The following ITGA9 variants were observed in gnomAD, a reference collection of about 807,000 sequenced individuals.
ITGA9 encodes integrin subunit alpha 9.
ITGA9 carries 56 observed loss-of-function variants against 127.8 expected under a neutral mutation model. That is an observed-to-expected ratio of 0.44 (90% confidence interval 0.35 to 0.55). The LOEUF is 0.55. ITGA9 is among the 20% of genes least tolerant of loss of function. The probability of loss-of-function intolerance (pLI) is 0.00; values close to 1 mark genes in which losing one functional copy is unlikely to be tolerated. For missense variants in ITGA9, 1,196 were observed against 1,347.1 expected (o/e 0.89, Z 1.76); for synonymous variants, 508 against 514.5 (o/e 0.99, Z 0.17).
In ITGA9 at chr3:37,806,765, G is replaced by A. The variant is rs1265599472; in HGVS notation, c.3009+2823G>A. On this transcript the variant is annotated intron_variant, in intron 27 of 27. Transcript: ENST00000264741. This position sits in a 1 kb window ranked among gnomAD's most constrained non-coding sequence, Gnocchi z 4.3. ...CAGACCAGGGCTTGCCGTAACTAACGGGTGGCAGGAAAGCTTTGAGGAGGC... is the reference window on the plus strand; with the variant it reads ...CAGACCAGGGCTTGCCGTAACTAACAGGTGGCAGGAAAGCTTTGAGGAGGC... 3 of 152,204 alleles carry A rather than the reference G, an allele frequency of 2.0e-5. No homozygotes were observed. Among genetic ancestry groups the A allele is most frequent in the Non-Finnish European group, 4.4e-5 (3 of 68,096 alleles). The allele number at this position is 152,204 out of a possible 1,614,324, so 9.4% of individuals were successfully genotyped here.
At chr3:37,562,187 G>A (rs1699498080) in intron 15 of ITGA9, among the ~76,000 whole-genome samples, 1 of 152,112 alleles carries the variant, frequency 6.6e-6, no homozygotes, top group Non-Finnish European at 1.5e-5. Flanking sequence ...TCCAGCGTTG[G>A]ATGGCATCAG....
chr3:37,454,032 G>T (rs1043342101), intron 1 of ITGA9, among the ~76,000 whole-genome samples: 8 of 152,210 alleles, frequency 5.3e-5, no homozygotes, highest in Non-Finnish European at 8.8e-5. Flanking sequence ...AGGGTCTGAG[G>T]TTGAAGAACA....
intron 18 of ITGA9, among the ~76,000 whole-genome samples, chr3:37,723,813 G>A (rs891215081): frequency 6.6e-6 from 1 of 152,226 alleles, no homozygotes; most frequent in Non-Finnish European, 1.5e-5. Context: ...TAGCTCTTCA[G>A]TGAGTTAGTA....
intron 17 of ITGA9, among the ~76,000 whole-genome samples, chr3:37,683,563 C>T (rs1418402491): frequency 3.9e-5 from 6 of 152,196 alleles, no homozygotes; most frequent in Non-Finnish European, 1.5e-5. Context: ...AATTCATGTA[C>T]AAATGAATCC....
intron 17 of ITGA9, among the ~76,000 whole-genome samples, chr3:37,666,789 C>T (rs1700590711): frequency 6.6e-6 from 1 of 152,198 alleles, no homozygotes; most frequent in African/African-American, 2.4e-5. Context: ...GGGTGTGATC[C>T]AGAGAGGCTG....
At chr3:37,515,975 A>T (rs936330019) in intron 9 of ITGA9, among the ~76,000 whole-genome samples, 4 of 152,242 alleles carry the variant, frequency 2.6e-5, no homozygotes, top group African/African-American at 9.6e-5. Flanking sequence ...CTGACATTCC[A>T]GGAAGTCAGG....
chr3:37,676,481 A>G (rs1164366230), intron 17 of ITGA9, among the ~76,000 whole-genome samples: 3 of 152,190 alleles, frequency 2.0e-5, no homozygotes, highest in African/African-American at 7.2e-5. Context: ...GCTGCAGAGC[A>G]TGTCAGAGGC....
At position 37,616,270 on chromosome 3, in the gene ITGA9, C is replaced by A. The variant is rs566712739; in HGVS notation, c.1690-12917C>A. 9.8e-3 allele frequency among the ~76,000 whole-genome samples: 1,493 copies of A among 152,204 alleles called. 19 individuals are homozygous for A. Among genetic ancestry groups the A allele is most frequent in the African/African-American group, 0.033 (1,350 of 41,522 alleles). On this transcript the variant is annotated intron_variant, in intron 15 of 27. Transcript: ENST00000264741. Reference sequence around the variant, plus strand: ...GTTGTTCAGTTTCCATGTAGTTGAGCGGTTTTGAGTGAATTTCTTAATCCT... The same window carrying A: ...GTTGTTCAGTTTCCATGTAGTTGAGAGGTTTTGAGTGAATTTCTTAATCCT...
At chr3:37,763,146 A>G (rs578050218) in intron 23 of ITGA9, among the ~76,000 whole-genome samples, 2 of 152,368 alleles carry the variant, frequency 1.3e-5, no homozygotes, top group African/African-American at 4.8e-5. Flanking sequence ...TGTAGCTTAC[A>G]TTCTGGTGGG....
At chr3:37,726,575 G>A (rs570266036) in intron 18 of ITGA9, among the ~76,000 whole-genome samples, 1 of 152,344 alleles carries the variant, frequency 6.6e-6, no homozygotes, top group Non-Finnish European at 1.5e-5. Context: ...GTTACAAACA[G>A]GGCTGTAGCC....
At chr3:37,508,457 C>G in intron 7 of ITGA9, 102 bp from the exon 8 acceptor site, 3 of 890,286 alleles carry the variant, frequency 3.4e-6, no homozygotes, top group South Asian at 2.9e-5. Flanking sequence ...CTGCTGTGCA[C>G]CTGGCTCTTA....
chr3:37,544,011 G>C (rs9812556), intron 15 of ITGA9, among the ~76,000 whole-genome samples: 2 of 152,216 alleles, frequency 1.3e-5, no homozygotes, highest in Non-Finnish European at 2.9e-5. Flanking sequence ...CGCAGTACAG[G>C]CTCGTATGCA....
At chr3:37,794,562 C>G (rs773772121) in intron 26 of ITGA9, among the ~76,000 whole-genome samples, 18 of 152,220 alleles carry the variant, frequency 1.2e-4, no homozygotes, top group Non-Finnish European at 2.4e-4. Context: ...AATGAAGACT[C>G]CTCGGGATTC....
chr3:37,520,130 G>T (rs72867562), intron 11 of ITGA9, among the ~76,000 whole-genome samples: 6,901 of 152,226 alleles, frequency 0.045, 438 homozygotes, highest in African/African-American at 0.15. Context: ...AGAGGCAGCA[G>T]GTAAATGCAA....
At chr3:37,549,260 T>C (rs541408291) in intron 15 of ITGA9, among the ~76,000 whole-genome samples, 1 of 152,356 alleles carries the variant, frequency 6.6e-6, no homozygotes, top group South Asian at 2.1e-4. Flanking sequence ...TTGGGTGCAA[T>C]GAAGGGCTCT....
At chr3:37,463,086 A>G (rs1671891663) in intron 1 of ITGA9, among the ~76,000 whole-genome samples, 1 of 152,224 alleles carries the variant, frequency 6.6e-6, no homozygotes, top group African/African-American at 2.4e-5. Flanking sequence ...GAGGGAGGGA[A>G]AGGAGACCAG....
chr3:37,462,801 C>T lies in ITGA9; in HGVS notation c.186-8206C>T, dbSNP rs545346314. ...ATCAGGCCATCCTGGGGTGCATGGT[C>T]CCCCAAACACTTTCATCTGCCTTTT... is the stretch of plus-strand genomic sequence containing the variant. On this transcript the variant is annotated intron_variant, in intron 1 of 27. Transcript: ENST00000264741. 1.3e-3 allele frequency among the ~76,000 whole-genome samples: 202 copies of T among 152,328 alleles called. 1 individual carries two copies. The highest frequency in any genetic ancestry group is 4.7e-3 in the African/African-American group (194 of 41,578).
chr3:37,511,663 C>T (rs1428742848), intron 8 of ITGA9, among the ~76,000 whole-genome samples: 1 of 152,202 alleles, frequency 6.6e-6, no homozygotes, highest in Non-Finnish European at 1.5e-5. Flanking sequence ...TTCTTTCCTC[C>T]TCACCCTCTG....
intron 23 of ITGA9, among the ~76,000 whole-genome samples, chr3:37,765,176 G>GA (rs1696766300): frequency 1.3e-5 from 2 of 152,100 alleles, no homozygotes; most frequent in African/African-American, 2.4e-5. Flanking sequence ...TGTATCTCCT[G>GA]GGGATTGGCT....
Sources: allele counts gnomAD v4.1 joint callset (sites outside exome capture counted in the v4.1 genomes callset), GRCh38; gene constraint gnomAD v4.1.1; non-coding constraint Gnocchi (gnomAD v3.1); transcripts MANE v1.5; gene names NCBI Gene and HGNC (gene_info 2026-07-23, HGNC 2026-07-21).